Variants in PTPRT observed in about 807,000 individuals in gnomAD.
PTPRT encodes the protein protein tyrosine phosphatase receptor type T.
A neutral mutation model predicts 176.8 loss-of-function variants in PTPRT; 56 were observed. The ratio of observed to expected loss-of-function variants is 0.32; its 90% CI spans 0.26 to 0.40. The LOEUF is 0.40. PTPRT is among the 10% of genes least tolerant of loss of function. The probability of loss-of-function intolerance (pLI) is 1.00; values close to 1 mark genes in which losing one functional copy is unlikely to be tolerated. For synonymous variants in PTPRT, 783 were observed against 739.0 expected (o/e 1.06, Z -0.96); for missense variants, 1,540 against 1,908.2 (o/e 0.81, Z 3.60).
chr20:42,056,480 C>T, the PTPRT span, among the ~76,000 whole-genome samples: 1 of 152,208 alleles, frequency 6.6e-6, no homozygotes, highest in African/African-American at 2.4e-5. Flanking sequence ...CCTTTATTCA[C>T]TTATTCAAAA....
intron 7 of PTPRT, among the ~76,000 whole-genome samples, chr20:42,531,681 C>CAAGT (rs2072387462): frequency 6.6e-6 from 1 of 152,166 alleles, no homozygotes; most frequent in Non-Finnish European, 1.5e-5. Flanking sequence ...TGCAAGCAAC[C>CAAGT]AAGTACAGGA....
Position 42,519,779 on chromosome 20 carries a change from T to C in PTPRT, c.1154-47217A>G, listed in dbSNP as rs1050047916. Reference sequence around the variant, plus strand: ...TTCTTTAATTTTTTAAAGATTTTATTAATTTTGTTAAATCTTTTAACTCCT... The same window carrying C: ...TTCTTTAATTTTTTAAAGATTTTATCAATTTTGTTAAATCTTTTAACTCCT... On this transcript the variant is annotated intron_variant, in intron 7 of 30. Coordinates refer to ENST00000373187, the MANE Select transcript of PTPRT (RefSeq NM_007050.6). 2.6e-5 allele frequency among the ~76,000 whole-genome samples: 4 copies of C among 152,178 alleles called. No individual in the cohort carries two copies. In the South Asian group the frequency reaches 8.3e-4, roughly 31 times the overall value.
intron 9 of PTPRT, among the ~76,000 whole-genome samples, chr20:42,402,114 G>A (rs1348352279): frequency 2.6e-5 from 4 of 152,162 alleles, no homozygotes; most frequent in African/African-American, 4.8e-5. Context: ...AGAGAAAAGT[G>A]AATGAAGCAA....
At chr20:42,607,842 C>T (rs534918002) in intron 7 of PTPRT, among the ~76,000 whole-genome samples, 14 of 152,012 alleles carry the variant, frequency 9.2e-5, no homozygotes, top group African/African-American at 2.2e-4. Context: ...ATCATGGGCC[C>T]GGGGAATCTG....
At chr20:42,940,556 G>A (rs1290733946) in intron 1 of PTPRT, among the ~76,000 whole-genome samples, 1 of 152,154 alleles carries the variant, frequency 6.6e-6, no homozygotes, top group African/African-American at 2.4e-5. Flanking sequence ...ATACATTGGA[G>A]CATTGACAGT....
At chr20:43,179,566 G>T (rs2015199163) in intron 1 of PTPRT, among the ~76,000 whole-genome samples, 1 of 152,108 alleles carries the variant, frequency 6.6e-6, no homozygotes, top group South Asian at 2.1e-4. Flanking sequence ...CAATTTTGGG[G>T]GTAAAGGTTG....
At chr20:42,693,348 A>G (rs930727427) in intron 6 of PTPRT, among the ~76,000 whole-genome samples, 2 of 152,218 alleles carry the variant, frequency 1.3e-5, no homozygotes, top group Admixed American at 1.3e-4. Flanking sequence ...AGACAATTTG[A>G]CAAACTTATT....
intron 7 of PTPRT, among the ~76,000 whole-genome samples, chr20:42,601,505 T>A (rs1405611458): frequency 6.6e-6 from 1 of 152,172 alleles, no homozygotes; most frequent in African/African-American, 2.4e-5. Flanking sequence ...TGAGGCTCAG[T>A]AAATTAATCT....
At chr20:43,073,514 G>A (rs6072963) in intron 1 of PTPRT, among the ~76,000 whole-genome samples, 74,153 of 150,792 alleles carry the variant, frequency 0.49, 18,754 homozygotes, top group East Asian at 0.75. Flanking sequence ...ACACACGTGT[G>A]TATATATATA....
At chr20:42,109,167 T>A (rs1001737021) in intron 23 of PTPRT, among the ~76,000 whole-genome samples, 1 of 151,368 alleles carries the variant, frequency 6.6e-6, no homozygotes, top group Non-Finnish European at 1.5e-5. Context: ...AAATGGATGC[T>A]GTATGAGGAC....
At chr20:42,124,887 T>C (rs1002656067) in intron 19 of PTPRT, among the ~76,000 whole-genome samples, 13 of 152,212 alleles carry the variant, frequency 8.5e-5, no homozygotes, top group Non-Finnish European at 1.0e-4. Flanking sequence ...TGGTCTGCTC[T>C]GTATGGATCG....
chr20:42,039,565 A>G, the PTPRT span, among the ~76,000 whole-genome samples: 1 of 151,922 alleles, frequency 6.6e-6, no homozygotes. Flanking sequence ...TCCTAAATAT[A>G]AGTGAGATCA....
At chr20:42,809,311 C>T (rs920671974) in intron 2 of PTPRT, among the ~76,000 whole-genome samples, 6 of 152,068 alleles carry the variant, frequency 3.9e-5, no homozygotes, top group African/African-American at 7.2e-5. Context: ...AGCCCTGTCC[C>T]GCCAGGTGTG....
intron 6 of PTPRT, among the ~76,000 whole-genome samples, chr20:42,717,977 C>A (rs1394931388): frequency 6.6e-6 from 1 of 152,190 alleles, no homozygotes; most frequent in East Asian, 1.9e-4. Context: ...ACATACCTAC[C>A]AGAATGGCTA....
chr20:42,734,178 G>A (rs1449196288), intron 6 of PTPRT, among the ~76,000 whole-genome samples: 1 of 152,164 alleles, frequency 6.6e-6, no homozygotes, highest in Non-Finnish European at 1.5e-5. Flanking sequence ...CCTCTGGGAG[G>A]TCATCACTAC....
chr20:42,481,753 A>G (rs6072759), intron 7 of PTPRT, among the ~76,000 whole-genome samples: 18,413 of 150,848 alleles, frequency 0.12, 1,206 homozygotes, highest in East Asian at 0.2. Flanking sequence ...CGTGTCTCTA[A>G]AAGAAAAAAA....
chr20:42,373,825 C>A (rs934948482), intron 9 of PTPRT, among the ~76,000 whole-genome samples: 1 of 152,168 alleles, frequency 6.6e-6, no homozygotes, highest in Non-Finnish European at 1.5e-5. Context: ...CCCTGTACCA[C>A]CCTACAGTTC....
intron 12 of PTPRT, among the ~76,000 whole-genome samples, chr20:42,298,829 G>C (rs13038066): frequency 0.19 from 29,376 of 151,906 alleles, 2,983 homozygotes; most frequent in South Asian, 0.22. Flanking sequence ...GCTGAGCCAG[G>C]AGAATGGCTG....
chr20:42,582,075 A>G (rs376268319), intron 7 of PTPRT, among the ~76,000 whole-genome samples: 1 of 152,120 alleles, frequency 6.6e-6, no homozygotes, highest in African/African-American at 2.4e-5. Context: ...TGCTGTGATG[A>G]TTATAATAAT....
Sources: gnomAD v4.1 joint callset for allele counts (sites outside exome capture counted in the v4.1 genomes callset) on GRCh38, gnomAD v4.1.1 for gene constraint, MANE v1.5 for transcripts, NCBI Gene and HGNC (gene_info 2026-07-23, HGNC 2026-07-21) for gene names.